Variants in LRP1B observed in about 807,000 individuals in gnomAD.
LRP1B encodes low-density lipoprotein receptor-related protein 1B.
In LRP1B, 217 loss-of-function variants were observed where a neutral mutation model predicts 556.6. That is an observed-to-expected ratio of 0.39 (90% CI 0.35 to 0.44). LRP1B has a LOEUF of 0.44. LRP1B is among the 20% of genes least tolerant of loss of function. The pLI, the probability that LRP1B is intolerant of heterozygous loss-of-function variation, is 1.00. For synonymous variants in LRP1B, 2,047 were observed against 1,865.8 expected, an observed-to-expected ratio of 1.10 and a Z score of -2.50; for missense variants, 5,053 against 5,620.8, an observed-to-expected ratio of 0.90 and a Z score of 3.23.
intron 3 of LRP1B, among the ~76,000 whole-genome samples, chr2:141,344,295 A>T (rs572537398): frequency 6.6e-6 from 1 of 152,264 alleles, no homozygotes; most frequent in South Asian, 2.1e-4. Flanking sequence ...ACACAGGTCT[A>T]CAGGGTCCTA....
chr2:141,033,517 A>C (rs1558813783), intron 11 of LRP1B, among the ~76,000 whole-genome samples: 2 of 145,656 alleles, frequency 1.4e-5, no homozygotes, highest in Non-Finnish European at 1.5e-5. Flanking sequence ...AACATCTGCT[A>C]TGGACTGAAT....
chr2:141,395,850 A>G (rs1484080569), intron 3 of LRP1B, among the ~76,000 whole-genome samples: 1 of 152,164 alleles, frequency 6.6e-6, no homozygotes, highest in Non-Finnish European at 1.5e-5. Context: ...ATGAGAAATA[A>G]ACCAGATCCC....
chr2:140,320,402 C>T (rs1371500307), intron 82 of LRP1B, among the ~76,000 whole-genome samples: 1 of 152,098 alleles, frequency 6.6e-6, no homozygotes, highest in African/African-American at 2.4e-5. Flanking sequence ...TAACCTTCAG[C>T]AGAGAACAAA....
At chr2:141,412,525 T>TA (rs1690890730) in intron 3 of LRP1B, among the ~76,000 whole-genome samples, 2 of 151,968 alleles carry the variant, frequency 1.3e-5, no homozygotes, top group African/African-American at 4.8e-5. Flanking sequence ...ATAGTCATAA[T>TA]CAAGTATTAT....
intron 66 of LRP1B, among the ~76,000 whole-genome samples, chr2:140,392,985 A>T (rs1684088957): frequency 1.3e-5 from 2 of 151,322 alleles, no homozygotes; most frequent in Non-Finnish European, 2.9e-5. Context: ...GCTGGAATGC[A>T]GTGGTGCAAT....
chr2:141,106,944 T>A (rs535707752), intron 7 of LRP1B, among the ~76,000 whole-genome samples: 1 of 152,118 alleles, frequency 6.6e-6, no homozygotes, highest in East Asian at 1.9e-4. Context: ...AGAATGAGAG[T>A]TGTTTTGTGA....
intron 3 of LRP1B, among the ~76,000 whole-genome samples, chr2:141,430,735 C>A (rs1680530383): frequency 1.3e-5 from 2 of 151,998 alleles, no homozygotes; most frequent in Admixed American, 1.3e-4. Flanking sequence ...AAGCTATTCC[C>A]TAAAAAGCCC....
At chr2:141,711,213 G>C (rs969737470) in intron 2 of LRP1B, among the ~76,000 whole-genome samples, 7 of 152,148 alleles carry the variant, frequency 4.6e-5, no homozygotes, top group Non-Finnish European at 7.3e-5. Context: ...TACCACCCAT[G>C]TATGGTGTGC....
At chr2:141,719,569 C>G (rs1299280412) in intron 2 of LRP1B, among the ~76,000 whole-genome samples, 2 of 152,012 alleles carry the variant, frequency 1.3e-5, no homozygotes, top group African/African-American at 4.8e-5. Flanking sequence ...GTAGGAGACT[C>G]AAAATGATTT....
intron 7 of LRP1B, among the ~76,000 whole-genome samples, chr2:141,105,857 T>C (rs1700590910): frequency 1.3e-5 from 2 of 152,096 alleles, no homozygotes; most frequent in African/African-American, 2.4e-5. Flanking sequence ...CATTTGTATA[T>C]AAGTATTCAG....
At chr2:141,455,449 G>T (rs1350662347) in intron 3 of LRP1B, among the ~76,000 whole-genome samples, 1 of 152,092 alleles carries the variant, frequency 6.6e-6, no homozygotes, top group East Asian at 1.9e-4. Flanking sequence ...AGGAAAACTC[G>T]AGCCTGTGCA....
intron 2 of LRP1B, among the ~76,000 whole-genome samples, chr2:141,663,934 AAAC>A (rs1269334567): frequency 1.6e-4 from 24 of 151,678 alleles, no homozygotes; most frequent in African/African-American, 5.3e-4. Flanking sequence ...AAAAAAAAAA[AAAC>A]AAAAACACAA....
intron 2 of LRP1B, among the ~76,000 whole-genome samples, chr2:141,606,635 G>C (rs1165223817): frequency 1.3e-5 from 2 of 152,074 alleles, no homozygotes; most frequent in Admixed American, 1.3e-4. Flanking sequence ...TATAAGAAAA[G>C]GAAATTTGAG....
At position 141,305,313 on chromosome 2, in the gene LRP1B, G is replaced by C. The variant is rs372757096; in HGVS notation, c.344-50672C>G. ...AGGTCTCTCACCTCCCTGGTTAAAG[G>C]TATTCCTAGGTGTTTTATTTTATTT... On this transcript the variant is annotated intron_variant, in intron 3 of 90. Coordinates refer to ENST00000389484, the MANE Select transcript of LRP1B (RefSeq NM_018557.3). Among the ~76,000 whole-genome samples, 8 of 152,166 alleles carry C rather than the reference G, an allele frequency of 5.3e-5. No homozygotes were observed. In the South Asian group the frequency reaches 1.5e-3, roughly 28 times the overall value.
At chr2:141,118,373 G>C (rs1187536587) in intron 7 of LRP1B, among the ~76,000 whole-genome samples, 1 of 151,728 alleles carries the variant, frequency 6.6e-6, no homozygotes, top group Non-Finnish European at 1.5e-5. Flanking sequence ...TTTCCTACCA[G>C]GTATACCACT....
rs569510444 is a variant in LRP1B, at chr2:140,371,102, T to C, written c.10875+77A>G. 1,752 of 992,996 alleles carry C rather than the reference T, an allele frequency of 1.8e-3. 4 individuals are homozygous for C. The highest frequency in any genetic ancestry group is 2.0e-3 in the Non-Finnish European group (1,376 of 686,034). 61.5% of individuals were successfully genotyped at this position (992,996 alleles called of 1,614,324 possible). A position where few individuals can be genotyped will look rare whatever the true frequency, so the allele number is the denominator to read the frequency against. On this transcript the variant is annotated intron_variant, in intron 70 of 90. Transcript: ENST00000389484. ...CCATGCTAAGAATCAAGATTCTTTC[T>C]CTTTATTTTCATTACATTTGTTTGC...
At chr2:141,979,520 T>C (rs554210923) in intron 1 of LRP1B, among the ~76,000 whole-genome samples, 1 of 152,254 alleles carries the variant, frequency 6.6e-6, no homozygotes, top group East Asian at 1.9e-4. Context: ...TCTTATTTTA[T>C]ATTTTTTCAG....
intron 3 of LRP1B, among the ~76,000 whole-genome samples, chr2:141,332,012 A>T (rs1362483998): frequency 6.6e-6 from 1 of 152,140 alleles, no homozygotes; most frequent in Non-Finnish European, 1.5e-5. Flanking sequence ...CTCTTCCTAG[A>T]CAAGCTACTC....
intron 3 of LRP1B, among the ~76,000 whole-genome samples, chr2:141,298,542 GC>G (rs1045130936): frequency 2.6e-5 from 4 of 152,178 alleles, no homozygotes; most frequent in African/African-American, 9.7e-5. Flanking sequence ...ACACATTGAT[GC>G]TGGGAGGCTC....
Sources: allele counts gnomAD v4.1 joint callset (sites outside exome capture counted in the v4.1 genomes callset), GRCh38; gene constraint gnomAD v4.1.1; transcripts MANE v1.5; gene names NCBI Gene and HGNC (gene_info 2026-07-23, HGNC 2026-07-21).